The following GRIP1 variants were observed in gnomAD, a reference collection of about 807,000 sequenced individuals.
GRIP1 encodes glutamate receptor-interacting protein 1.
A neutral mutation model predicts 129.9 loss-of-function variants in GRIP1; 45 were observed. The observed-to-expected ratio is 0.35, with a 90% CI of 0.27 to 0.44. GRIP1 has a LOEUF of 0.44. GRIP1 is among the 20% of genes least tolerant of loss of function. GRIP1 has a pLI of 1.00. For synonymous variants in GRIP1, 530 were observed against 520.8 expected (o/e 1.02, Z -0.24); for missense variants, 1,196 against 1,396.8 (o/e 0.86, Z 2.29).
intron 1 of GRIP1, among the ~76,000 whole-genome samples, chr12:66,986,866 T>TAAAATAA (rs987680288): frequency 6.2e-5 from 3 of 48,440 alleles, no homozygotes; most frequent in South Asian, 4.1e-4. Flanking sequence ...TTTAAAAAAA[T>TAAAATAA]AAAATAAAAA....
At chr12:66,809,248 T>C (rs1225483895) in intron 1 of GRIP1, among the ~76,000 whole-genome samples, 3 of 152,250 alleles carry the variant, frequency 2.0e-5, no homozygotes, top group African/African-American at 7.2e-5. Flanking sequence ...GGACCAGCTA[T>C]TGAGATTAAA....
At chr12:66,359,296 A>G (rs1351470824) in intron 23 of GRIP1, among the ~76,000 whole-genome samples, 2 of 152,218 alleles carry the variant, frequency 1.3e-5, no homozygotes, top group African/African-American at 4.8e-5. Flanking sequence ...CCAACATAGT[A>G]AACCAGAATC....
At chr12:66,501,915 G>C (rs2060403990) in intron 7 of GRIP1, among the ~76,000 whole-genome samples, 1 of 152,178 alleles carries the variant, frequency 6.6e-6, no homozygotes, top group South Asian at 2.1e-4. Flanking sequence ...ATGCTGGGAA[G>C]TAATCTTTGA....
chr12:67,039,956 T>C (rs1440271662), intron 1 of GRIP1, among the ~76,000 whole-genome samples: 2 of 152,174 alleles, frequency 1.3e-5, no homozygotes, highest in East Asian at 3.8e-4. Flanking sequence ...AAGCTTCTTT[T>C]TCCACCTAGT....
chr12:66,724,332 G>A (rs1280419703), intron 1 of GRIP1, among the ~76,000 whole-genome samples: 2 of 152,182 alleles, frequency 1.3e-5, no homozygotes, highest in Non-Finnish European at 2.9e-5. Context: ...GACCACTAGT[G>A]TGACTTCTTG....
intron 1 of GRIP1, among the ~76,000 whole-genome samples, chr12:66,947,308 G>GC (rs1188719093): frequency 2.0e-5 from 3 of 152,144 alleles, no homozygotes; most frequent in African/African-American, 7.2e-5. Flanking sequence ...ACTGAATGAG[G>GC]ACTGGTGTGG....
At chr12:66,878,727 G>C (rs752199517) in intron 1 of GRIP1, among the ~76,000 whole-genome samples, 6 of 152,058 alleles carry the variant, frequency 3.9e-5, no homozygotes, top group Non-Finnish European at 7.4e-5. Flanking sequence ...TACATTGTTA[G>C]CTGGTAAACT....
intron 7 of GRIP1, among the ~76,000 whole-genome samples, chr12:66,482,049 T>TAACA (rs2059821657): frequency 6.6e-6 from 1 of 152,180 alleles, no homozygotes; most frequent in African/African-American, 2.4e-5. Flanking sequence ...TATACCTATG[T>TAACA]AACAAACCTG....
At chr12:66,842,894 G>A (rs10437935) in intron 1 of GRIP1, among the ~76,000 whole-genome samples, 23,622 of 151,982 alleles carry the variant, frequency 0.16, 1,985 homozygotes, top group East Asian at 0.37. Flanking sequence ...AGCTGCTTAC[G>A]TTTTTAGGAT....
rs995332538 is a variant in GRIP1, at chr12:66,385,830, G to A, written c.2465-6394C>T. ...TCACCATGTTGGCCAGGCTGATTTC[G>A]AACTCCTGACTTCAAGTGATTGCCT... On this transcript the variant is annotated intron_variant, in intron 19 of 24. Coordinates refer to ENST00000359742, the MANE Select transcript of GRIP1 (RefSeq NM_001366722.1). 9.2e-5 allele frequency among the ~76,000 whole-genome samples: 14 copies of A among 152,162 alleles called. 1 individual carries two copies. Among genetic ancestry groups the A allele is most frequent in the African/African-American group, 2.6e-4 (11 of 41,526 alleles).
intron 1 of GRIP1, among the ~76,000 whole-genome samples, chr12:66,745,663 C>G (rs2036921935): frequency 6.6e-6 from 1 of 152,046 alleles, no homozygotes; most frequent in African/African-American, 2.4e-5. Flanking sequence ...AGAGGAATAT[C>G]ATAAAAAGGA....
At chr12:67,010,256 CCT>C (rs1450296833) in intron 1 of GRIP1, among the ~76,000 whole-genome samples, 1 of 151,990 alleles carries the variant, frequency 6.6e-6, no homozygotes, top group Non-Finnish European at 1.5e-5. Context: ...TAAATTGAAT[CCT>C]CTGTTTCTGT....
chr12:66,558,100 A>G lies in GRIP1; in HGVS notation c.137-16150T>C, dbSNP rs748069264. Among the ~76,000 whole-genome samples the G allele has an allele frequency of 8.5e-5, 13 of 152,180 alleles. 1 individual carries two copies. Among genetic ancestry groups the G allele is most frequent in the South Asian group, 2.1e-4 (1 of 4,834 alleles). On this transcript the variant is annotated intron_variant, in intron 2 of 24. Coordinates refer to ENST00000359742, the MANE Select transcript of GRIP1 (RefSeq NM_001366722.1). ...ATGAAAACAGAGAGAAGACCTAAAT[A>G]AATAAAATCAAAGATGAAAATGAAG...
chr12:66,608,400 T>C (rs1434315315), intron 1 of GRIP1, among the ~76,000 whole-genome samples: 1 of 152,194 alleles, frequency 6.6e-6, no homozygotes. Context: ...TGGTGTGATC[T>C]TGACTCACTG....
At chr12:66,921,728 C>A (rs11176486) in intron 1 of GRIP1, among the ~76,000 whole-genome samples, 3,957 of 152,328 alleles carry the variant, frequency 0.026, 69 homozygotes, top group Middle Eastern at 0.051. Context: ...CTGCTTAAAA[C>A]CATCCAGAGA....
intron 7 of GRIP1, among the ~76,000 whole-genome samples, chr12:66,489,132 T>A (rs1237747618): frequency 1.1e-4 from 17 of 152,152 alleles, no homozygotes; most frequent in Admixed American, 1.1e-3. Flanking sequence ...GAGACCAGCA[T>A]CATTCTGGTG....
chr12:66,550,928 A>G (rs1493489), intron 2 of GRIP1, among the ~76,000 whole-genome samples: 79,199 of 151,982 alleles, frequency 0.52, 20,693 homozygotes, highest in African/African-American at 0.55. Flanking sequence ...TCTCGGAATC[A>G]CACTTGCTTC....
At chr12:66,595,360 G>A (rs919806908) in intron 2 of GRIP1, among the ~76,000 whole-genome samples, 14 of 152,166 alleles carry the variant, frequency 9.2e-5, no homozygotes, top group Non-Finnish European at 1.5e-4. Flanking sequence ...CTTCAAATGT[G>A]TTGTCATTTA....
intron 15 of GRIP1, among the ~76,000 whole-genome samples, chr12:66,411,767 C>T (rs1168667684): frequency 3.9e-5 from 6 of 152,130 alleles, no homozygotes; most frequent in African/African-American, 1.4e-4. Context: ...ACCAGAATAG[C>T]CAGTTTAGTG....
Sources: gnomAD v4.1 joint callset for allele counts (sites outside exome capture counted in the v4.1 genomes callset) on GRCh38, gnomAD v4.1.1 for gene constraint, MANE v1.5 for transcripts, NCBI Gene and HGNC (gene_info 2026-07-23, HGNC 2026-07-21) for gene names.